Variants in BEGAIN observed in about 807,000 individuals in gnomAD.
BEGAIN encodes the protein brain-enriched guanylate kinase-associated protein.
A neutral mutation model predicts 35.8 loss-of-function variants in BEGAIN; 19 were observed. That is an observed-to-expected ratio of 0.53 (90% CI 0.37 to 0.78). The LOEUF (loss-of-function observed/expected upper bound fraction) is 0.78. Among genes scored for constraint, BEGAIN ranks in the 30% least tolerant of loss-of-function variants. BEGAIN has a pLI of 0.00. For missense variants in BEGAIN, 795 were observed against 853.6 expected (o/e 0.93, Z 0.85); for synonymous variants, 462 against 388.6 (o/e 1.19, Z -2.22).
intron 5 of BEGAIN, among the ~76,000 whole-genome samples, chr14:100,540,887 C>T (rs1301513580): frequency 6.6e-6 from 1 of 152,216 alleles, no homozygotes; most frequent in Non-Finnish European, 1.5e-5. Flanking sequence ...AGAAGGAGCC[C>T]CAATGGCCCT....
At chr14:100,543,794 C>T in intron 5 of BEGAIN, 64 bp downstream of exon 5, 3 of 1,305,820 alleles carry the variant, frequency 2.3e-6, no homozygotes, top group South Asian at 2.5e-5. Flanking sequence ...CCCAGTGCAT[C>T]CTGGGAAGCC....
At chr14:100,561,133 C>T (rs2034213676) in intron 2 of BEGAIN, among the ~76,000 whole-genome samples, 1 of 152,198 alleles carries the variant, frequency 6.6e-6, no homozygotes, top group Non-Finnish European at 1.5e-5. Context: ...GCCACTGCCC[C>T]AACCATCGAC....
chr14:100,543,944 TCTC>T lies in BEGAIN; in HGVS notation c.319_321del (p.Glu107del). 1 of 1,611,702 alleles carries T rather than the reference TCTC, an allele frequency of 6.2e-7. No homozygotes were observed. The highest frequency in any genetic ancestry group is 8.5e-7 in the Non-Finnish European group (1 of 1,179,076). On this transcript the variant is annotated inframe_deletion, in exon 5 of 7. Coordinates refer to ENST00000554140, the MANE Select transcript of BEGAIN (RefSeq NM_001385089.1). The stretch of plus-strand genomic sequence containing the variant: ...ACAATCTCGTGGCTCAGCGCACGCT[TCTC>T]CTCCTCATAGTGCTGGCCCTGGGGG...
intron 6 of BEGAIN, among the ~76,000 whole-genome samples, chr14:100,539,558 C>T (rs4072539): frequency 0.43 from 65,651 of 151,862 alleles, 14,678 homozygotes; most frequent in East Asian, 0.63. Context: ...TCTCCCCACC[C>T]CACTCTGATT....
intron 2 of BEGAIN, among the ~76,000 whole-genome samples, chr14:100,566,340 G>A (rs2034680789): frequency 6.6e-6 from 1 of 152,258 alleles, no homozygotes; most frequent in African/African-American, 2.4e-5. Flanking sequence ...GCGGGGTCAT[G>A]CCTCTGTCCT....
intron 1 of BEGAIN, among the ~76,000 whole-genome samples, chr14:100,578,931 G>A (rs771477960): frequency 2.7e-5 from 4 of 146,970 alleles, no homozygotes; most frequent in Admixed American, 1.4e-4. Context: ...GCATGATCTC[G>A]GCTCACTGCA....
chr14:100,546,912 C>T (rs1447394538), intron 2 of BEGAIN: 4 of 382,126 alleles, frequency 1.0e-5, no homozygotes, highest in Non-Finnish European at 1.9e-5. Flanking sequence ...GTTCCTCAGA[C>T]TCCACCAGTG....
At chr14:100,582,206 G>A (rs1289842722) in intron 1 of BEGAIN, among the ~76,000 whole-genome samples, 4 of 152,040 alleles carry the variant, frequency 2.6e-5, no homozygotes, top group Non-Finnish European at 5.9e-5. Flanking sequence ...GTGCAGTGGC[G>A]CGATCTCGGC....
Position 100,563,194 on chromosome 14 carries a change from T to C in BEGAIN, c.71+4717A>G, listed in dbSNP as rs908904067. The stretch of plus-strand genomic sequence containing the variant: ...GGACCACAAGCACCGGTCATAGGAG[T>C]GAAGGAGAGAGTGTGGCCCGAACAC... On this transcript the variant is annotated intron_variant, in intron 2 of 6. Transcript: ENST00000554140. The surrounding 1 kb of genome is among the most constrained non-coding windows in gnomAD (Gnocchi z 4.2). 2.0e-5 allele frequency among the ~76,000 whole-genome samples: 3 copies of C among 151,648 alleles called. No homozygotes were observed. The highest frequency in any genetic ancestry group is 1.5e-5 in the Non-Finnish European group (1 of 67,912).
chr14:100,556,261 T>C (rs2139600886), intron 2 of BEGAIN, among the ~76,000 whole-genome samples: 1 of 151,776 alleles, frequency 6.6e-6, no homozygotes, highest in East Asian at 2.0e-4. Flanking sequence ...TGCTCCCTCC[T>C]GCCTGGAGAC....
Position 100,567,437 on chromosome 14 carries a change from C to T in BEGAIN, c.71+474G>A, listed in dbSNP as rs2034789120. 1.4e-5 allele frequency among the ~76,000 whole-genome samples: 2 copies of T among 148,050 alleles called. No individual in the cohort carries two copies. Among genetic ancestry groups the T allele is most frequent in the South Asian group, 2.3e-4 (1 of 4,432 alleles). On this transcript the variant is annotated intron_variant, in intron 2 of 6. Coordinates refer to ENST00000554140, the MANE Select transcript of BEGAIN (RefSeq NM_001385089.1). This position sits in a 1 kb window ranked among gnomAD's most constrained non-coding sequence, Gnocchi z 5.1. ...ATCCCCCACCCCCGCCCCCCAGAGG[C>T]GGACACTTAAAAGCTCAGAGCCAGG...
At chr14:100,548,003 C>T (rs778309414) in intron 2 of BEGAIN, 2 of 152,206 alleles carry the variant, frequency 1.3e-5, no homozygotes, top group Non-Finnish European at 2.9e-5. Context: ...CTCTTGGATT[C>T]CTGCCCAGGG....
chr14:100,580,875 G>C (rs2035301815), intron 1 of BEGAIN, among the ~76,000 whole-genome samples: 1 of 152,132 alleles, frequency 6.6e-6, no homozygotes, highest in South Asian at 2.1e-4. Flanking sequence ...GCCTGGTGTG[G>C]GCCTACTGTG....
At position 100,568,416 on chromosome 14, in the gene BEGAIN, C is replaced by G. The variant is rs1397709708; in HGVS notation, c.43-477G>C. Reference sequence around the variant, plus strand: ...CGGAGAATGTTGGGGAATTCGGGGCCGTGCAGGATTGCAGAACCTGACACT... The same window carrying G: ...CGGAGAATGTTGGGGAATTCGGGGCGGTGCAGGATTGCAGAACCTGACACT... On this transcript the variant is annotated intron_variant, in intron 1 of 6. Coordinates refer to ENST00000554140, the MANE Select transcript of BEGAIN (RefSeq NM_001385089.1). The surrounding 1 kb of genome is among the most constrained non-coding windows in gnomAD (Gnocchi z 7.5). 1.6e-6 allele frequency: 2 copies of G among 1,274,146 alleles called. No individual in the cohort carries two copies. Among genetic ancestry groups the G allele is most frequent in the South Asian group, 1.3e-5 (1 of 79,284 alleles). 78.9% of individuals were successfully genotyped at this position (1,274,146 alleles called of 1,614,324 possible).
chr14:100,568,317 C>A lies in BEGAIN; in HGVS notation c.43-378G>T. On this transcript the variant is annotated intron_variant, in intron 1 of 6. Transcript: ENST00000554140. This position sits in a 1 kb window ranked among gnomAD's most constrained non-coding sequence, Gnocchi z 7.5. ...CCGCGGCCCCGCTGCTCCCCCCGCC[C>A]CGCCCGTTAACCCTTCCTGCCCCGC... 1.5e-6 allele frequency: 1 copy of A among 670,590 alleles called. No individual in the cohort carries two copies. Among genetic ancestry groups the A allele is most frequent in the Non-Finnish European group, 2.2e-6 (1 of 460,848 alleles). The allele number at this position is 670,590 out of a possible 1,614,324, so 41.5% of individuals were successfully genotyped here. A position where few individuals can be genotyped will look rare whatever the true frequency, so the allele number is the denominator to read the frequency against.
At chr14:100,540,386 C>G (rs893293606) in intron 6 of BEGAIN, 110 bp downstream of exon 6, 1 of 854,424 alleles carries the variant, frequency 1.2e-6, no homozygotes, top group Non-Finnish European at 1.8e-6. Flanking sequence ...GGCTCAGGCT[C>G]AGCTGGCATC....
rs976457210 is a variant in BEGAIN, at chr14:100,537,854, C to T, written c.*115G>A. ...GAGGAGGTGCGGGGAGGAACAGACT[C>T]CTCGTTGTTGGCCGGGGCAGGGGAA... On this transcript the variant is annotated 3_prime_UTR_variant, in exon 7 of 7. Transcript: ENST00000554140. 2 of 1,417,018 alleles carry T rather than the reference C, an allele frequency of 1.4e-6. No homozygotes were observed. The highest frequency in any genetic ancestry group is 3.0e-5 in the African/African-American group (2 of 67,774). The allele number at this position is 1,417,018 out of a possible 1,614,324, so 87.8% of individuals were successfully genotyped here. A position where few individuals can be genotyped will look rare whatever the true frequency, so the allele number is the denominator to read the frequency against.
chr14:100,567,891 A>G lies in BEGAIN; in HGVS notation c.71+20T>C. 6.9e-7 allele frequency: 1 copy of G among 1,443,840 alleles called. No individual in the cohort carries two copies. Among genetic ancestry groups the G allele is most frequent in the Non-Finnish European group, 9.2e-7 (1 of 1,087,146 alleles). 89.4% of individuals were successfully genotyped at this position (1,443,840 alleles called of 1,614,324 possible). On this transcript the variant is annotated intron_variant, in intron 2 of 6. Transcript: ENST00000554140. This position sits in a 1 kb window ranked among gnomAD's most constrained non-coding sequence, Gnocchi z 5.1. The stretch of plus-strand genomic sequence containing the variant: ...CGACCCGGCCCCCGCGAGCCGCGGC[A>G]CGGGAGACGCTCCACTCACCTGAGT...
chr14:100,544,862 CA>C, intron 4 of BEGAIN, 137 bp downstream of exon 4: 1 of 893,180 alleles, frequency 1.1e-6, no homozygotes, highest in Non-Finnish European at 1.8e-6. Context: ...CACCCTGCTC[CA>C]CATGTTCCAT....
Sources: allele counts gnomAD v4.1 joint callset (sites outside exome capture counted in the v4.1 genomes callset), GRCh38; gene constraint gnomAD v4.1.1; non-coding constraint Gnocchi (gnomAD v3.1); transcripts MANE v1.5; gene names NCBI Gene and HGNC (gene_info 2026-07-23, HGNC 2026-07-21).